KCNIP4: variants seen among roughly 807,000 people sequenced by gnomAD.
The protein encoded by KCNIP4 is potassium voltage-gated channel interacting protein 4.
Under a neutral mutation model 34.0 loss-of-function variants are expected in KCNIP4, and 12 were observed. The observed-to-expected ratio is 0.35, with a 90% confidence interval of 0.23 to 0.57. The LOEUF is 0.57. Ranked by LOEUF, KCNIP4 falls within the 20% of genes least tolerant of loss-of-function variation. KCNIP4 has a pLI of 0.83. For missense variants in KCNIP4, 238 were observed against 311.7 expected, an observed-to-expected ratio of 0.76 and a Z score of 1.78; for synonymous variants, 124 against 102.2, an observed-to-expected ratio of 1.21 and a Z score of -1.29.
chr4:20,874,659 G>T (rs1414740992), intron 2 of KCNIP4, among the ~76,000 whole-genome samples: 3 of 149,518 alleles, frequency 2.0e-5, no homozygotes, highest in African/African-American at 4.9e-5. Context: ...GTATCAATGT[G>T]ACTTTGGGCA....
intron 1 of KCNIP4, among the ~76,000 whole-genome samples, chr4:20,922,516 A>ACTAT (rs1729484318): frequency 7.0e-6 from 1 of 143,260 alleles, no homozygotes; most frequent in Admixed American, 7.2e-5. Flanking sequence ...TAATAGTGTG[A>ACTAT]CTGTCTGTCT....
intron 1 of KCNIP4, among the ~76,000 whole-genome samples, chr4:21,890,244 A>G (rs951496858): frequency 6.6e-6 from 1 of 152,188 alleles, no homozygotes; most frequent in African/African-American, 2.4e-5. Flanking sequence ...TTTTATTAAC[A>G]TGCTTGACCA....
chr4:21,238,808 G>A (rs1759571958), intron 1 of KCNIP4, among the ~76,000 whole-genome samples: 1 of 152,150 alleles, frequency 6.6e-6, no homozygotes, highest in Non-Finnish European at 1.5e-5. Context: ...ACTGCCCAAG[G>A]TAATTTATAA....
intron 1 of KCNIP4, among the ~76,000 whole-genome samples, chr4:21,425,783 C>A (rs2109645381): frequency 6.6e-6 from 1 of 152,288 alleles, no homozygotes; most frequent in East Asian, 1.9e-4. Context: ...GACATGGTGA[C>A]TCCCGTCTGT....
intron 1 of KCNIP4, among the ~76,000 whole-genome samples, chr4:21,710,157 A>T (rs926409526): frequency 5.3e-5 from 8 of 152,214 alleles, no homozygotes; most frequent in African/African-American, 1.7e-4. Flanking sequence ...CCTCTTTAGC[A>T]CTTCATCCTA....
At chr4:21,740,803 T>C (rs1716347527) in intron 1 of KCNIP4, among the ~76,000 whole-genome samples, 1 of 152,208 alleles carries the variant, frequency 6.6e-6, no homozygotes, top group African/African-American at 2.4e-5. Flanking sequence ...ACATAGCTAC[T>C]CTACCCATAT....
chr4:21,421,723 A>G (rs1014536015), intron 1 of KCNIP4, among the ~76,000 whole-genome samples: 1 of 152,214 alleles, frequency 6.6e-6, no homozygotes, highest in African/African-American at 2.4e-5. Flanking sequence ...TATATATTTG[A>G]AAATTGCTAA....
rs1184050869 is a variant in KCNIP4 at position 20,751,507 on chromosome 4, C to T, written c.359-1775G>A. ...GTGCCCTCTGGAGATGTGAATTGAT[C>T]GATGGTGTGTTGAACTGATTTTCAG... On this transcript the variant is annotated intron_variant, in intron 4 of 8. Transcript: ENST00000382152. Among the ~76,000 whole-genome samples, 3 of 151,332 alleles carry T rather than the reference C, an allele frequency of 2.0e-5. No individual in the cohort carries two copies. The East Asian group carries it at 5.8e-4, about 29-fold the overall frequency.
chr4:21,166,471 A>G (rs564761526), intron 1 of KCNIP4, among the ~76,000 whole-genome samples: 52 of 152,326 alleles, frequency 3.4e-4, no homozygotes, highest in African/African-American at 1.2e-3. Flanking sequence ...AAAGTAGTTT[A>G]TCTGTCTTCT....
intron 1 of KCNIP4, among the ~76,000 whole-genome samples, chr4:21,061,549 G>A (rs1414764602): frequency 6.6e-6 from 1 of 152,154 alleles, no homozygotes; most frequent in Non-Finnish European, 1.5e-5. Context: ...GGAGAAGCAA[G>A]TAGAAAGGGG....
At chr4:21,661,188 T>C (rs1419053367) in intron 1 of KCNIP4, among the ~76,000 whole-genome samples, 2 of 152,066 alleles carry the variant, frequency 1.3e-5, no homozygotes, top group African/African-American at 4.8e-5. Context: ...CCACTCCATC[T>C]CCTTTCCAGC....
At chr4:21,016,305 T>C (rs978990508) in intron 1 of KCNIP4, among the ~76,000 whole-genome samples, 1 of 124,718 alleles carries the variant, frequency 8.0e-6, no homozygotes, top group Non-Finnish European at 1.7e-5. Flanking sequence ...TTCTTTTTTC[T>C]TTTTTTTTTT....
At chr4:21,841,240 T>C (rs1427659283) in intron 1 of KCNIP4, among the ~76,000 whole-genome samples, 1 of 152,142 alleles carries the variant, frequency 6.6e-6, no homozygotes, top group Non-Finnish European at 1.5e-5. Context: ...CATTCTACCA[T>C]TTTACTTTCT....
At chr4:20,920,982 A>G (rs997413306) in intron 1 of KCNIP4, among the ~76,000 whole-genome samples, 3 of 152,096 alleles carry the variant, frequency 2.0e-5, no homozygotes, top group African/African-American at 4.8e-5. Flanking sequence ...GTGAGACTTC[A>G]TCTCAAAAAC....
chr4:21,841,021 T>A (rs913502994), intron 1 of KCNIP4, among the ~76,000 whole-genome samples: 1 of 152,230 alleles, frequency 6.6e-6, no homozygotes, highest in African/African-American at 2.4e-5. Flanking sequence ...CTACTGAGTA[T>A]GTGAAATAAA....
In KCNIP4 at chr4:20,953,401, G is replaced by A. The variant is rs556146118; in HGVS notation, c.62-70692C>T. Among the ~76,000 whole-genome samples, 3 of 152,354 alleles carry A rather than the reference G, an allele frequency of 2.0e-5. No homozygotes were observed. In the South Asian group the frequency reaches 6.2e-4, roughly 32 times the overall value. ...ATATTCAATAAATGGACCGGGTGCAGTGGCTCACACATGTAATCCCAGCAC... is the reference window on the plus strand; with the variant it reads ...ATATTCAATAAATGGACCGGGTGCAATGGCTCACACATGTAATCCCAGCAC... On this transcript the variant is annotated intron_variant, in intron 1 of 8. Transcript: ENST00000382152.
chr4:21,018,106 C>A (rs1338681775), intron 1 of KCNIP4, among the ~76,000 whole-genome samples: 1 of 152,130 alleles, frequency 6.6e-6, no homozygotes, highest in Non-Finnish European at 1.5e-5. Context: ...GCATGATTGA[C>A]TACTTTCTTG....
intron 1 of KCNIP4, among the ~76,000 whole-genome samples, chr4:21,519,638 A>G (rs955382727): frequency 4.2e-5 from 4 of 94,444 alleles, no homozygotes; most frequent in Admixed American, 2.4e-4. Context: ...ATATACACAA[A>G]TGTGTGTGTA....
intron 1 of KCNIP4, among the ~76,000 whole-genome samples, chr4:20,944,252 A>G (rs1428008219): frequency 2.0e-5 from 3 of 152,170 alleles, no homozygotes; most frequent in African/African-American, 4.8e-5. Context: ...ACCATGAGTG[A>G]TCTGGAGGAG....
Sources: gnomAD v4.1 joint callset for allele counts (sites outside exome capture counted in the v4.1 genomes callset) on GRCh38, gnomAD v4.1.1 for gene constraint, MANE v1.5 for transcripts, NCBI Gene and HGNC (gene_info 2026-07-23, HGNC 2026-07-21) for gene names.